The following PLXNA4 variants were observed in gnomAD, a reference collection of about 807,000 sequenced individuals.
PLXNA4 encodes the protein plexin A4, also known as plexin-A4.
Under a neutral mutation model 191.8 loss-of-function variants are expected in PLXNA4, and 44 were observed. The ratio of observed to expected loss-of-function variants is 0.23; its 90% CI spans 0.18 to 0.29. The LOEUF is 0.29. Ranked by LOEUF, PLXNA4 falls within the 10% of genes least tolerant of loss-of-function variation. PLXNA4 has a pLI of 1.00. For synonymous variants in PLXNA4, 1,082 were observed against 1,009.5 expected (o/e 1.07, Z -1.36); for missense variants, 1,800 against 2,488.8 (o/e 0.72, Z 5.89).
At chr7:132,137,241 C>T (rs1795140191) in intron 30 of PLXNA4, among the ~76,000 whole-genome samples, 1 of 152,172 alleles carries the variant, frequency 6.6e-6, no homozygotes, top group African/African-American at 2.4e-5. Context: ...CATGCCGTGA[C>T]ACACATGATA....
intron 3 of PLXNA4, among the ~76,000 whole-genome samples, chr7:132,309,701 C>T (rs150207959): frequency 6.3e-4 from 96 of 152,228 alleles, no homozygotes; most frequent in Middle Eastern, 6.8e-3. Context: ...TGCTGTTACA[C>T]CAGAACCAGG....
chr7:132,540,808 C>T (rs1004503495), intron 1 of PLXNA4, among the ~76,000 whole-genome samples: 1 of 151,434 alleles, frequency 6.6e-6, no homozygotes, highest in African/African-American at 2.4e-5. Flanking sequence ...AGGATGGTCT[C>T]GATCTCCTGA....
intron 30 of PLXNA4, 151 bp from the exon 31 acceptor site, chr7:132,133,350 G>A (rs1014967918): frequency 2.4e-5 from 33 of 1,349,920 alleles, no homozygotes; most frequent in Non-Finnish European, 3.1e-5. Context: ...GACCACTGTG[G>A]TCTCTCTCTC....
intron 3 of PLXNA4, among the ~76,000 whole-genome samples, chr7:132,417,396 G>T (rs1794696471): frequency 6.6e-6 from 1 of 152,180 alleles, no homozygotes; most frequent in Non-Finnish European, 1.5e-5. Flanking sequence ...CTTCGTGGTT[G>T]TTCCCTCAAA....
At chr7:132,447,107 C>T (rs939375897) in intron 3 of PLXNA4, among the ~76,000 whole-genome samples, 19 of 151,812 alleles carry the variant, frequency 1.3e-4, no homozygotes, top group African/African-American at 4.3e-4. Flanking sequence ...TTTTTCTGGC[C>T]CCGCTCCACT....
At chr7:132,383,629 C>T (rs571768705) in intron 3 of PLXNA4, 1 of 983,046 alleles carries the variant, frequency 1.0e-6, no homozygotes, top group Non-Finnish European at 1.2e-6. Context: ...TCAATGACTA[C>T]ATAAATATAC....
Position 132,282,573 on chromosome 7 carries a change from G to A in PLXNA4, c.1503+15518C>T, listed in dbSNP as rs922290935. 3.3e-5 allele frequency among the ~76,000 whole-genome samples: 4 copies of A among 119,908 alleles called. No homozygotes were observed. In the Admixed American group the frequency reaches 4.6e-4, roughly 14 times the overall value. The allele number at this position is 119,908 out of a possible 152,430, so 78.7% of individuals were successfully genotyped here. ...CCACGATTGCACCACTGCACTCCAG[G>A]CTTATAGCCTGGGTGATAGAGCCAG... On this transcript the variant is annotated intron_variant, in intron 4 of 31. Coordinates refer to ENST00000321063, the MANE Select transcript of PLXNA4 (RefSeq NM_020911.2).
intron 3 of PLXNA4, among the ~76,000 whole-genome samples, chr7:132,380,178 G>A (rs1336821676): frequency 6.6e-6 from 1 of 152,140 alleles, no homozygotes; most frequent in African/African-American, 2.4e-5. Context: ...CTTTTTTAAT[G>A]AATCAAAATA....
chr7:132,396,644 C>A (rs1316235226), intron 3 of PLXNA4, among the ~76,000 whole-genome samples: 9 of 152,192 alleles, frequency 5.9e-5, no homozygotes, highest in Admixed American at 3.9e-4. Flanking sequence ...GTGTGTGCAA[C>A]CATGGCCGAC....
chr7:132,282,250 C>T (rs540200441), intron 4 of PLXNA4, among the ~76,000 whole-genome samples: 1 of 152,196 alleles, frequency 6.6e-6, no homozygotes, highest in South Asian at 2.1e-4. Context: ...GTGCTGCACC[C>T]ACTAACTCGT....
chr7:132,459,542 G>A (rs1290498053), intron 3 of PLXNA4, among the ~76,000 whole-genome samples: 1 of 152,160 alleles, frequency 6.6e-6, no homozygotes, highest in East Asian at 1.9e-4. Context: ...GATGCCGGAA[G>A]GGGTCCAGGT....
At chr7:132,228,239 C>G (rs897999688) in intron 6 of PLXNA4, 107 bp downstream of exon 6, 28 of 1,464,054 alleles carry the variant, frequency 1.9e-5, no homozygotes, top group Non-Finnish European at 2.1e-5. Context: ...TTCTGCTGGC[C>G]GGGCTTGGCC....
chr7:132,598,026 T>C (rs1175590975), intron 2 of PLXNA4, among the ~76,000 whole-genome samples: 30 of 152,220 alleles, frequency 2.0e-4, no homozygotes, highest in Admixed American at 2.0e-3. Flanking sequence ...GAGTGGAATT[T>C]CTGTGTCATA....
At chr7:132,228,276 A>G (rs1798399255) in intron 6 of PLXNA4, 70 bp downstream of exon 6, 2 of 1,600,504 alleles carry the variant, frequency 1.2e-6, no homozygotes, top group African/African-American at 2.7e-5. Context: ...CCTTGGGCTA[A>G]GGCACTTTTT....
At chr7:132,178,395 CAGA>C (rs892683832) in intron 20 of PLXNA4, among the ~76,000 whole-genome samples, 1 of 152,142 alleles carries the variant, frequency 6.6e-6, no homozygotes, top group African/African-American at 2.4e-5. Flanking sequence ...CCACAGGGAG[CAGA>C]AGGAGGGAGT....
At chr7:132,596,084 G>C (rs1021118635) in intron 2 of PLXNA4, among the ~76,000 whole-genome samples, 1 of 152,044 alleles carries the variant, frequency 6.6e-6, no homozygotes, top group Non-Finnish European at 1.5e-5. Context: ...TTTGGTTGTA[G>C]TGTCTGTTGA....
At chr7:132,228,523 G>C in intron 5 of PLXNA4, 54 bp from the exon 6 acceptor site, 1 of 1,605,376 alleles carries the variant, frequency 6.2e-7, no homozygotes, top group South Asian at 1.1e-5. Flanking sequence ...GGTCCAGGGA[G>C]GGGCGGATGC....
At chr7:132,135,999 G>T (rs1385968955) in intron 30 of PLXNA4, among the ~76,000 whole-genome samples, 1 of 152,092 alleles carries the variant, frequency 6.6e-6, no homozygotes, top group African/African-American at 2.4e-5. Context: ...GTGGGTGTGG[G>T]GCTTAAGTCT....
At chr7:132,223,395 C>T (rs182256229) in intron 9 of PLXNA4, 132 bp downstream of exon 9, 847 of 728,164 alleles carry the variant, frequency 1.2e-3, no homozygotes, top group Non-Finnish European at 1.8e-3. Context: ...TAAAGTGGAC[C>T]CTTAAGAGCC....
Sources: gnomAD v4.1 joint callset for allele counts (sites outside exome capture counted in the v4.1 genomes callset) on GRCh38, gnomAD v4.1.1 for gene constraint, MANE v1.5 for transcripts, NCBI Gene and HGNC (gene_info 2026-07-23, HGNC 2026-07-21) for gene names.